The following DDX17 variants were observed in gnomAD, a reference collection of about 807,000 sequenced individuals.
DDX17 encodes the protein DEAD-box helicase 17.
A neutral mutation model predicts 80.8 loss-of-function variants in DDX17; 10 were observed. That is an observed-to-expected ratio of 0.12 (90% CI 0.08 to 0.21). DDX17 has a LOEUF of 0.21. DDX17 is among the 10% of genes least tolerant of loss of function. The pLI is 1.00. For missense variants in DDX17, 586 were observed against 957.4 expected (o/e 0.61, Z 5.12); for synonymous variants, 339 against 336.2 (o/e 1.01, Z -0.09).
intron 9 of DDX17, 97 bp from the exon 10 acceptor site, chr22:38,493,868 T>G (rs2089736264): frequency 7.4e-6 from 10 of 1,348,120 alleles, no homozygotes; most frequent in Non-Finnish European, 8.5e-6. Context: ...TTGTAAGGTT[T>G]GTCAGGCTTC....
chr22:38,499,232 AAAAAC>A (rs1364922052), intron 3 of DDX17, among the ~76,000 whole-genome samples, 163 bp downstream of exon 3: 1 of 152,234 alleles, frequency 6.6e-6, no homozygotes, highest in Non-Finnish European at 1.5e-5. Context: ...AAAACAAAAC[AAAAAC>A]AAAACCTCAG....
chr22:38,488,150 A>T (rs1386416861), intron 11 of DDX17, 35 bp from the exon 12 acceptor site: 1 of 1,612,742 alleles, frequency 6.2e-7, no homozygotes, highest in Non-Finnish European at 8.5e-7. Flanking sequence ...GTGTAGGTTG[A>T]TGTGGCAGGG....
chr22:38,486,520 A>G (rs1166763964), intron 12 of DDX17, 80 bp from the exon 13 acceptor site: 9 of 1,455,084 alleles, frequency 6.2e-6, no homozygotes, highest in South Asian at 5.9e-5. Context: ...ACTGGGTACA[A>G]AAGTATTAAA....
intron 9 of DDX17, 104 bp downstream of exon 9, chr22:38,493,917 A>G: frequency 8.5e-7 from 1 of 1,183,030 alleles, no homozygotes; most frequent in South Asian, 1.3e-5. Context: ...AGCAAACTGC[A>G]TGGATAGGCA....
At position 38,501,057 on chromosome 22, in the gene DDX17, G is replaced by C. The variant is rs1386433294; in HGVS notation, c.438+73C>G. On this transcript the variant is annotated intron_variant, in intron 2 of 12. Transcript: ENST00000403230. ...TAAAATGTAAAACGGCAACAGTAGC[G>C]TATGAATAAACTCTAACCAATATAT... 3 of 1,510,420 alleles carry C rather than the reference G, an allele frequency of 2.0e-6. No individual in the cohort carries two copies. In the East Asian group the frequency reaches 7.4e-5, roughly 38 times the overall value. 93.6% of individuals were successfully genotyped at this position (1,510,420 alleles called of 1,614,324 possible).
intron 2 of DDX17, 107 bp from the exon 3 acceptor site, chr22:38,499,606 A>C: frequency 1.2e-6 from 1 of 840,290 alleles, no homozygotes; most frequent in Non-Finnish European, 2.0e-6. Context: ...ATGTTGGCAA[A>C]TATTTAATAG....
chr22:38,499,449 T>TC lies in DDX17; in HGVS notation c.488dup (p.Asp164ArgfsTer5). On this transcript the variant is annotated frameshift_variant, in exon 3 of 13. Transcript: ENST00000403230. LOFTEE classifies it high-confidence loss of function. ...CAAACACGGGTTTAGGACAAACATC[T>TC]CCCCCCCTCACTGTAATCTCCTTCT... 2 of 1,613,676 alleles carry TC rather than the reference T, an allele frequency of 1.2e-6. No homozygotes were observed. The highest frequency in any genetic ancestry group is 1.7e-6 in the Non-Finnish European group (2 of 1,179,852).
chr22:38,499,820 G>C (rs2089809236), intron 2 of DDX17, among the ~76,000 whole-genome samples: 1 of 152,152 alleles, frequency 6.6e-6, no homozygotes, highest in African/African-American at 2.4e-5. Context: ...TTCTGAAAGA[G>C]TAACCATTTC....
Position 38,501,297 on chromosome 22 carries a change from T to C in DDX17, c.288-17A>G. The C allele has an allele frequency of 3.8e-6, 6 of 1,599,522 alleles. No homozygotes were observed. Among genetic ancestry groups the C allele is most frequent in the Non-Finnish European group, 5.1e-6 (6 of 1,174,258 alleles). Reference sequence around the variant, plus strand: ...GCTCCAAATCTAGGAACAGAATTTTTAGTTAGTTCATCAGTATTTTTAAAG... The same window carrying C: ...GCTCCAAATCTAGGAACAGAATTTTCAGTTAGTTCATCAGTATTTTTAAAG... On this transcript the variant is annotated splice_polypyrimidine_tract_variant and intron_variant, in intron 1 of 12. Transcript: ENST00000403230.
intron 2 of DDX17, among the ~76,000 whole-genome samples, chr22:38,500,813 G>A (rs1209764105): frequency 3.7e-4 from 6 of 16,342 alleles, no homozygotes; most frequent in African/African-American, 1.0e-3. Context: ...GCAAAACTCC[G>A]TCTCAAAAAA....
At position 38,501,284 on chromosome 22, in the gene DDX17, G is replaced by C. The variant is rs2089828223; in HGVS notation, c.288-4C>G. The C allele has an allele frequency of 1.2e-6, 2 of 1,600,926 alleles. No individual in the cohort carries two copies. The highest frequency in any genetic ancestry group is 1.7e-6 in the Non-Finnish European group (2 of 1,175,134). On this transcript the variant is annotated splice_polypyrimidine_tract_variant and splice_region_variant and intron_variant, in intron 1 of 12. Coordinates refer to ENST00000403230, the MANE Select transcript of DDX17 (RefSeq NM_006386.5). ...ACCACCACCTCTTGCTCCAAATCTA[G>C]GAACAGAATTTTTAGTTAGTTCATC...
At position 38,489,796 on chromosome 22, in the gene DDX17, T is replaced by C; in HGVS notation, c.1448-1681A>G. 1.6e-5 allele frequency: 16 copies of C among 985,530 alleles called. No individual in the cohort carries two copies. Among genetic ancestry groups the C allele is most frequent in the Non-Finnish European group, 1.9e-5 (16 of 830,132 alleles). The allele number at this position is 985,530 out of a possible 1,614,324, so 61.0% of individuals were successfully genotyped here. A position where few individuals can be genotyped will look rare whatever the true frequency, so the allele number is the denominator to read the frequency against. ...AGCTTGAGTCTCCGGCTAGGGTCGT[T>C]GACGCAACAAAGGAAAAAAGAATTT... On this transcript the variant is annotated intron_variant, in intron 11 of 12. Transcript: ENST00000403230. The surrounding 1 kb of genome is among the most constrained non-coding windows in gnomAD (Gnocchi z 4.6).
chr22:38,497,619 C>CAAAAAAAAAAAAAAAAAA (rs138449), intron 5 of DDX17, among the ~76,000 whole-genome samples: 13 of 74,878 alleles, frequency 1.7e-4, no homozygotes, highest in African/African-American at 5.1e-4. Context: ...AATATATCTC[C>CAAAAAAAAAAAAAAAAAA]AAAAAAAAAA....
At chr22:38,498,200 A>T (rs900864002) in intron 4 of DDX17, 50 bp from the exon 5 acceptor site, 26 of 1,576,340 alleles carry the variant, frequency 1.6e-5, no homozygotes, top group African/African-American at 2.7e-5. Flanking sequence ...GTACAATCTT[A>T]CTTAGATACT....
chr22:38,494,211 G>A, intron 8 of DDX17, 80 bp from the exon 9 acceptor site: 1 of 958,052 alleles, frequency 1.0e-6, no homozygotes, highest in South Asian at 1.5e-5. Flanking sequence ...CAACTCCCAA[G>A]GCTACAGTAC....
chr22:38,504,928 GA>G (rs2089865771), intron 1 of DDX17, among the ~76,000 whole-genome samples: 1 of 152,154 alleles, frequency 6.6e-6, no homozygotes, highest in African/African-American at 2.4e-5. Flanking sequence ...GGGGTCGGGG[GA>G]GACGGAGTTT....
At chr22:38,493,970 T>TAG (rs2089737204) in intron 9 of DDX17, 51 bp downstream of exon 9, 1 of 1,461,444 alleles carries the variant, frequency 6.8e-7, no homozygotes, top group Non-Finnish European at 9.5e-7. Flanking sequence ...AATTTAGAAA[T>TAG]TTCCAGTTAA....
At chr22:38,491,984 T>G in intron 11 of DDX17, 72 bp downstream of exon 11, 9 of 1,122,928 alleles carry the variant, frequency 8.0e-6, no homozygotes, top group Non-Finnish European at 1.1e-5. Flanking sequence ...ACTTGAAGTC[T>G]GAATTTGAAA....
At chr22:38,505,445 C>A (rs2089870561) in intron 1 of DDX17, 1 of 154,718 alleles carries the variant, frequency 6.5e-6, no homozygotes, top group African/African-American at 2.4e-5. Flanking sequence ...AGAAGTTGGT[C>A]TTTTCGTCTC....
Sources: gnomAD v4.1 joint callset for allele counts (sites outside exome capture counted in the v4.1 genomes callset) on GRCh38, gnomAD v4.1.1 for gene constraint, Gnocchi (gnomAD v3.1) non-coding constraint, MANE v1.5 for transcripts, NCBI Gene and HGNC (gene_info 2026-07-23, HGNC 2026-07-21) for gene names.